Variants in SCAMP1 observed in about 807,000 individuals in gnomAD.
The protein encoded by SCAMP1 is secretory carrier-associated membrane protein 1.
SCAMP1 carries 15 observed loss-of-function variants against 41.8 expected under a neutral mutation model. That is an observed-to-expected ratio of 0.36 (90% CI 0.24 to 0.55). The LOEUF is 0.55. Ranked by LOEUF, SCAMP1 falls within the 20% of genes least tolerant of loss-of-function variation. SCAMP1 has a pLI of 0.86. For synonymous variants in SCAMP1, 135 were observed against 136.8 expected (o/e 0.99, Z 0.09); for missense variants, 341 against 412.6 (o/e 0.83, Z 1.50).
chr5:78,411,911 A>G (rs186868829), intron 2 of SCAMP1, among the ~76,000 whole-genome samples: 3 of 152,212 alleles, frequency 2.0e-5, no homozygotes, highest in South Asian at 4.1e-4. Context: ...GAGAATATCT[A>G]TTTTACCACA....
At chr5:78,445,224 C>G (rs1486512666) in intron 6 of SCAMP1, among the ~76,000 whole-genome samples, 1 of 152,178 alleles carries the variant, frequency 6.6e-6, no homozygotes, top group African/African-American at 2.4e-5. Flanking sequence ...CAGGGAAGAA[C>G]TTTTCTATTA....
intron 6 of SCAMP1, among the ~76,000 whole-genome samples, chr5:78,426,824 G>A (rs1189185972): frequency 3.9e-5 from 6 of 152,100 alleles, no homozygotes; most frequent in Non-Finnish European, 7.4e-5. Flanking sequence ...AGAACATCTA[G>A]TCTTTTGCTG....
chr5:78,462,591 G>A (rs144988116), intron 8 of SCAMP1, among the ~76,000 whole-genome samples: 220 of 152,136 alleles, frequency 1.4e-3, no homozygotes, highest in African/African-American at 5.0e-3. Flanking sequence ...CCCAAAGTTC[G>A]GGATTACAGG....
At chr5:78,405,840 T>C (rs542781525) in intron 2 of SCAMP1, among the ~76,000 whole-genome samples, 18 of 152,324 alleles carry the variant, frequency 1.2e-4, no homozygotes, top group African/African-American at 4.3e-4. Context: ...ATTTCTTCTT[T>C]CCTATTACAC....
At chr5:78,469,249 T>C (rs986512588) in intron 8 of SCAMP1, among the ~76,000 whole-genome samples, 2 of 152,138 alleles carry the variant, frequency 1.3e-5, no homozygotes, top group Non-Finnish European at 2.9e-5. Context: ...TAGTCACAAA[T>C]AGGCATGCTA....
At chr5:78,394,358 A>G (rs949955700) in intron 2 of SCAMP1, among the ~76,000 whole-genome samples, 35 of 152,046 alleles carry the variant, frequency 2.3e-4, no homozygotes, top group Non-Finnish European at 4.7e-4. Flanking sequence ...ATATATTACA[A>G]TGAAGGCAGG....
chr5:78,473,979 G>C (rs895436881), intron 8 of SCAMP1, among the ~76,000 whole-genome samples: 1 of 151,908 alleles, frequency 6.6e-6, no homozygotes, highest in African/African-American at 2.4e-5. Context: ...AGTATCTCAG[G>C]GGGGCCAACT....
Position 78,360,624 on chromosome 5 carries a change from C to T in SCAMP1, c.-48C>T, listed in dbSNP as rs563973910. On this transcript the variant is annotated 5_prime_UTR_variant, in exon 1 of 9. Coordinates refer to ENST00000621999, the MANE Select transcript of SCAMP1 (RefSeq NM_004866.6). ...CAGGGGGGCGGCGGCCTCGCCTCGT[C>T]TCTCTCTCTGCGCCTGGGTCGGGTG... The T allele has an allele frequency of 2.4e-5, 37 of 1,536,964 alleles. No homozygotes were observed. The East Asian group carries it at 7.0e-4, about 29-fold the overall frequency.
chr5:78,410,828 T>C (rs1208583215), intron 2 of SCAMP1, among the ~76,000 whole-genome samples: 1 of 152,232 alleles, frequency 6.6e-6, no homozygotes, highest in Non-Finnish European at 1.5e-5. Flanking sequence ...GACTTTTTAA[T>C]AGTTACCATT....
chr5:78,360,748 T>C lies in SCAMP1; in HGVS notation c.57+20T>C, dbSNP rs759614068. The C allele has an allele frequency of 2.5e-6, 4 of 1,600,032 alleles. No individual in the cohort carries two copies. Among genetic ancestry groups the C allele is most frequent in the South Asian group, 1.1e-5 (1 of 88,738 alleles). ...TTCAAGGTGAGCTTCGGCCCCAGCA[T>C]CTCCTGCCGCCGCGACGCGTCGTTG... On this transcript the variant is annotated intron_variant, in intron 1 of 8. Coordinates refer to ENST00000621999, the MANE Select transcript of SCAMP1 (RefSeq NM_004866.6).
intron 1 of SCAMP1, among the ~76,000 whole-genome samples, chr5:78,366,683 C>G (rs948690775): frequency 6.6e-6 from 1 of 152,094 alleles, no homozygotes; most frequent in African/African-American, 2.4e-5. Flanking sequence ...TCACTCCTCC[C>G]TTATCTGTTT....
At chr5:78,420,715 A>AT (rs1055158431) in intron 5 of SCAMP1, among the ~76,000 whole-genome samples, 55 of 152,268 alleles carry the variant, frequency 3.6e-4, no homozygotes, top group African/African-American at 1.3e-3. Context: ...TTAAAAAAAA[A>AT]CAAAAAACAA....
chr5:78,394,979 C>G (rs1158914281), intron 2 of SCAMP1, among the ~76,000 whole-genome samples: 2 of 152,132 alleles, frequency 1.3e-5, no homozygotes, highest in African/African-American at 4.8e-5. Flanking sequence ...ATAGAATGAC[C>G]TATCTAGTTA....
chr5:78,401,095 G>A (rs1215205018), intron 2 of SCAMP1, among the ~76,000 whole-genome samples: 1 of 152,042 alleles, frequency 6.6e-6, no homozygotes, highest in Non-Finnish European at 1.5e-5. Flanking sequence ...TACTGATATG[G>A]TCATATGATT....
rs1358661407 is a variant in SCAMP1, at chr5:78,476,616, T to C, written c.*948T>C. Reference sequence around the variant, plus strand: ...GTGTGTGTGTGATTTTTAACAGAGGTATTAAAGGCTAGCCTAACTGTTGTC... The same window carrying C: ...GTGTGTGTGTGATTTTTAACAGAGGCATTAAAGGCTAGCCTAACTGTTGTC... On this transcript the variant is annotated 3_prime_UTR_variant, in exon 9 of 9. Coordinates refer to ENST00000621999, the MANE Select transcript of SCAMP1 (RefSeq NM_004866.6). The C allele has an allele frequency of 6.6e-6, 1 of 152,436 alleles. No homozygotes were observed. Among genetic ancestry groups the C allele is most frequent in the Non-Finnish European group, 1.5e-5 (1 of 67,950 alleles). The allele number at this position is 152,436 out of a possible 1,614,324, so 9.4% of individuals were successfully genotyped here. A position where few individuals can be genotyped will look rare whatever the true frequency, so the allele number is the denominator to read the frequency against.
At chr5:78,397,420 C>G (rs1402761938) in intron 2 of SCAMP1, among the ~76,000 whole-genome samples, 2 of 152,002 alleles carry the variant, frequency 1.3e-5, no homozygotes, top group Non-Finnish European at 2.9e-5. Flanking sequence ...TTTAGTTAGG[C>G]CATGGTTTCT....
intron 2 of SCAMP1, among the ~76,000 whole-genome samples, chr5:78,399,645 A>G (rs1302389349): frequency 6.6e-6 from 1 of 152,052 alleles, no homozygotes; most frequent in East Asian, 1.9e-4. Flanking sequence ...TCTTCTGTCC[A>G]TTTCTTAATT....
intron 7 of SCAMP1, among the ~76,000 whole-genome samples, chr5:78,451,603 C>G (rs1753228142): frequency 6.6e-6 from 1 of 152,112 alleles, no homozygotes; most frequent in Non-Finnish European, 1.5e-5. Context: ...GTGTTATTTT[C>G]TGGAGATTTA....
intron 7 of SCAMP1, among the ~76,000 whole-genome samples, chr5:78,452,256 C>A (rs1043441683): frequency 1.3e-5 from 2 of 149,414 alleles, no homozygotes; most frequent in Non-Finnish European, 3.0e-5. Flanking sequence ...CATATGTATA[C>A]ATGTGCCATG....
Sources: gnomAD v4.1 joint callset for allele counts (sites outside exome capture counted in the v4.1 genomes callset) on GRCh38, gnomAD v4.1.1 for gene constraint, MANE v1.5 for transcripts, NCBI Gene and HGNC (gene_info 2026-07-23, HGNC 2026-07-21) for gene names.